Variants in CARS1 observed in about 807,000 individuals in gnomAD.
CARS1 encodes the protein cysteine--tRNA ligase, cytoplasmic.
Under a neutral mutation model 106.2 loss-of-function variants are expected in CARS1, and 48 were observed. The ratio of observed to expected loss-of-function variants is 0.45; its 90% confidence interval spans 0.36 to 0.57. The LOEUF is 0.57. Ranked by LOEUF, CARS1 falls within the 20% of genes least tolerant of loss-of-function variation. The pLI, the probability that CARS1 is intolerant of heterozygous loss-of-function variation, is 0.00. For synonymous variants in CARS1, 409 were observed against 403.4 expected (o/e 1.01, Z -0.17); for missense variants, 968 against 1,057.2 (o/e 0.92, Z 1.17).
rs1855522360 is a variant in CARS1 at position 3,050,232 on chromosome 11, G to A, written c.26-2231C>T. Among the ~76,000 whole-genome samples the A allele has an allele frequency of 1.3e-5, 2 of 152,090 alleles. No homozygotes were observed. Among genetic ancestry groups the A allele is most frequent in the South Asian group, 4.1e-4 (2 of 4,824 alleles). ...TGGCTTCCTGGGATGACTCTCGCTG[G>A]TGGGATGACGAGTGCAGCGTCCCTC... is the stretch of plus-strand genomic sequence containing the variant. On this transcript the variant is annotated intron_variant, in intron 1 of 22. Transcript: ENST00000380525. This position sits in a 1 kb window ranked among gnomAD's most constrained non-coding sequence, Gnocchi z 6.3.
At chr11:3,056,071 G>A (rs988137769) in intron 1 of CARS1, among the ~76,000 whole-genome samples, 3 of 152,196 alleles carry the variant, frequency 2.0e-5, no homozygotes, top group Admixed American at 6.5e-5. Flanking sequence ...GGTGGTAGGC[G>A]GCGTGCCTGG....
At chr11:3,014,999 A>G (rs1037649066) in intron 17 of CARS1, among the ~76,000 whole-genome samples, 2 of 152,270 alleles carry the variant, frequency 1.3e-5, no homozygotes, top group African/African-American at 4.8e-5. Context: ...CGAATAGTCA[A>G]AGAGCATTCT....
rs937364680 is a variant in CARS1, at chr11:3,028,011, C to T, written c.1031+985G>A. On this transcript the variant is annotated intron_variant, in intron 9 of 22. Coordinates refer to ENST00000380525, the MANE Select transcript of CARS1 (RefSeq NM_001014437.3). The surrounding 1 kb of genome is among the most constrained non-coding windows in gnomAD (Gnocchi z 4.4). ...CTGTGATGCTGTGCTTCAGCGGTCA[C>T]GCTCCTAGTCCTCCTTCATGTTCCA... 5.0e-5 allele frequency: 18 copies of T among 362,802 alleles called. No homozygotes were observed. Among genetic ancestry groups the T allele is most frequent in the South Asian group, 2.2e-4 (11 of 49,582 alleles). The allele number at this position is 362,802 out of a possible 1,614,324, so 22.5% of individuals were successfully genotyped here.
intron 1 of CARS1, chr11:3,054,899 G>A: frequency 1.4e-6 from 1 of 702,590 alleles, no homozygotes; most frequent in Non-Finnish European, 2.6e-6. Flanking sequence ...CGACCAAGTG[G>A]TATCCCAAGT....
At chr11:3,009,749 C>A (rs1016096307) in intron 18 of CARS1, among the ~76,000 whole-genome samples, 1 of 152,200 alleles carries the variant, frequency 6.6e-6, no homozygotes, top group African/African-American at 2.4e-5. Flanking sequence ...CCAGGGGAAA[C>A]AGTTTCTTTT....
At chr11:3,042,363 T>A (rs1018900296) in intron 2 of CARS1, 107 bp from the exon 3 acceptor site, 2 of 725,592 alleles carry the variant, frequency 2.8e-6, no homozygotes, top group African/African-American at 3.5e-5. Context: ...TAGTTTTCCA[T>A]GAAATTTAAA....
At chr11:3,051,266 G>A (rs1264398114) in intron 1 of CARS1, among the ~76,000 whole-genome samples, 1 of 152,256 alleles carries the variant, frequency 6.6e-6, no homozygotes, top group Non-Finnish European at 1.5e-5. Context: ...GAAAGAGAAA[G>A]ACAGGGGTGG....
At position 3,020,564 on chromosome 11, in the gene CARS1, C is replaced by A. The variant is rs186172259; in HGVS notation, c.1154-232G>T. On this transcript the variant is annotated intron_variant, in intron 10 of 22. Coordinates refer to ENST00000380525, the MANE Select transcript of CARS1 (RefSeq NM_001014437.3). This position sits in a 1 kb window ranked among gnomAD's most constrained non-coding sequence, Gnocchi z 4.6. ...ATCCCCAAAGTCACCAGCTTATATACCTGGCTGACTTGAGGCCACATCTGG... is the reference window on the plus strand; with the variant it reads ...ATCCCCAAAGTCACCAGCTTATATAACTGGCTGACTTGAGGCCACATCTGG... Among the ~76,000 whole-genome samples the A allele has an allele frequency of 2.8e-4, 42 of 152,328 alleles. No individual in the cohort carries two copies. Among genetic ancestry groups the A allele is most frequent in the Admixed American group, 1.1e-3 (17 of 15,304 alleles).
rs73411398 is a variant in CARS1, at chr11:3,039,426, T to C, written c.553-134A>G. ...GGGAGACAACTGTGGGCCCCGGACG[T>C]GCACACCATCATCAAATAGAAACAC... On this transcript the variant is annotated intron_variant, in intron 5 of 22. Coordinates refer to ENST00000380525, the MANE Select transcript of CARS1 (RefSeq NM_001014437.3). This position sits in a 1 kb window ranked among gnomAD's most constrained non-coding sequence, Gnocchi z 5.6. 0.014 allele frequency: 8,847 copies of C among 624,518 alleles called. 601 individuals are homozygous for C. In the African/African-American group the frequency reaches 0.14, roughly 10 times the overall value. 38.7% of individuals were successfully genotyped at this position (624,518 alleles called of 1,614,324 possible). A position where few individuals can be genotyped will look rare whatever the true frequency, so the allele number is the denominator to read the frequency against.
intron 7 of CARS1, among the ~76,000 whole-genome samples, chr11:3,033,689 G>C (rs989896361): frequency 6.6e-6 from 1 of 152,132 alleles, no homozygotes; most frequent in Non-Finnish European, 1.5e-5. Context: ...AAGAAGAAAA[G>C]AAGGAATAAA....
chr11:3,047,725 T>C, intron 2 of CARS1, 28 bp downstream of exon 2: 3 of 1,586,396 alleles, frequency 1.9e-6, no homozygotes, highest in South Asian at 1.1e-5. Context: ...GAGGTTCTAA[T>C]GGCCAGGGAA....
intron 10 of CARS1, among the ~76,000 whole-genome samples, chr11:3,024,517 G>A (rs1278161153): frequency 6.6e-6 from 1 of 152,016 alleles, no homozygotes; most frequent in Non-Finnish European, 1.5e-5. Flanking sequence ...GCACAATCAG[G>A]GCTCACTGCA....
At chr11:3,033,738 G>A (rs1161713161) in intron 7 of CARS1, among the ~76,000 whole-genome samples, 1 of 152,090 alleles carries the variant, frequency 6.6e-6, no homozygotes, top group Non-Finnish European at 1.5e-5. Context: ...GACTACAGAG[G>A]ATCAACACAG....
intron 17 of CARS1, 66 bp downstream of exon 17, chr11:3,015,713 AGG>A (rs1850919960): frequency 2.9e-6 from 4 of 1,375,090 alleles, no homozygotes; most frequent in African/African-American, 1.4e-5. Flanking sequence ...GGCAGTTCAG[AGG>A]GACACAGAGG....
Position 3,055,795 on chromosome 11 carries a change from A to C in CARS1, c.25+1548T>G, listed in dbSNP as rs404629. 7.2e-3 allele frequency among the ~76,000 whole-genome samples: 1,096 copies of C among 152,246 alleles called. 16 individuals are homozygous for C. Among genetic ancestry groups the C allele is most frequent in the African/African-American group, 0.025 (1,029 of 41,546 alleles). On this transcript the variant is annotated intron_variant, in intron 1 of 22. Transcript: ENST00000380525. Reference sequence around the variant, plus strand: ...ACAAACAGGCCCTAACTTTCAGCACAGACACAGCACTTAATTGAGTGCCAG... The same window carrying C: ...ACAAACAGGCCCTAACTTTCAGCACCGACACAGCACTTAATTGAGTGCCAG...
At chr11:3,007,224 A>G (rs1261249628) in intron 18 of CARS1, 1 of 532,792 alleles carries the variant, frequency 1.9e-6, no homozygotes, top group African/African-American at 1.9e-5. Context: ...TGCAGGGCAG[A>G]GCCAGGAGGA....
chr11:3,026,187 T>G (rs1203678707), intron 10 of CARS1, among the ~76,000 whole-genome samples: 1 of 152,118 alleles, frequency 6.6e-6, no homozygotes, highest in Non-Finnish European at 1.5e-5. Context: ...CACCAGAAGC[T>G]GAGAAGAGTC....
chr11:3,001,768 C>G (rs1425143654), intron 22 of CARS1, among the ~76,000 whole-genome samples: 1 of 152,192 alleles, frequency 6.6e-6, no homozygotes, highest in Admixed American at 6.5e-5. Context: ...GGCCCTGGCA[C>G]GGGCTTGCCT....
Position 3,017,548 on chromosome 11 carries a change from C to A in CARS1, c.1728-253G>T, listed in dbSNP as rs886955107. 3 of 559,508 alleles carry A rather than the reference C, an allele frequency of 5.4e-6. No individual in the cohort carries two copies. In the African/African-American group the frequency reaches 5.6e-5, roughly 11 times the overall value. 34.7% of individuals were successfully genotyped at this position (559,508 alleles called of 1,614,324 possible). A position where few individuals can be genotyped will look rare whatever the true frequency, so the allele number is the denominator to read the frequency against. On this transcript the variant is annotated intron_variant, in intron 15 of 22. Transcript: ENST00000380525. This position sits in a 1 kb window ranked among gnomAD's most constrained non-coding sequence, Gnocchi z 4.9. ...ACCCCAGCTACTCGGGAGGCTGAGG[C>A]AGGAGAATCGCTCGAACCCGGGAGG...
Sources: gnomAD v4.1 joint callset for allele counts (sites outside exome capture counted in the v4.1 genomes callset) on GRCh38, gnomAD v4.1.1 for gene constraint, Gnocchi (gnomAD v3.1) non-coding constraint, MANE v1.5 for transcripts, NCBI Gene and HGNC (gene_info 2026-07-23, HGNC 2026-07-21) for gene names.